The following NRXN1 variants were observed in gnomAD, a reference collection of about 807,000 sequenced individuals.
NRXN1 encodes the protein neurexin-1.
A neutral mutation model predicts 150.9 loss-of-function variants in NRXN1; 39 were observed. The observed-to-expected ratio is 0.26, with a 90% CI of 0.20 to 0.34. The LOEUF is 0.34. Among genes scored for constraint, NRXN1 ranks in the 10% least tolerant of loss-of-function variants. The pLI, the probability that NRXN1 is intolerant of heterozygous loss-of-function variation, is 1.00. For missense variants in NRXN1, 1,815 were observed against 1,949.9 expected (o/e 0.93, Z 1.30); for synonymous variants, 924 against 757.0 (o/e 1.22, Z -3.62).
At chr2:50,289,286 C>G (rs1270764796) in intron 17 of NRXN1, among the ~76,000 whole-genome samples, 1 of 152,082 alleles carries the variant, frequency 6.6e-6, no homozygotes, top group Non-Finnish European at 1.5e-5. Context: ...TTACTATTGA[C>G]TAAAAGAGGT....
intron 5 of NRXN1, among the ~76,000 whole-genome samples, chr2:50,835,805 T>C (rs1672024372): frequency 6.6e-6 from 1 of 152,156 alleles, no homozygotes; most frequent in South Asian, 2.1e-4. Context: ...CTAGCCAGAA[T>C]CTGATGAGAC....
chr2:50,479,902 T>C (rs1398587897), intron 15 of NRXN1, among the ~76,000 whole-genome samples: 2 of 149,496 alleles, frequency 1.3e-5, no homozygotes, highest in African/African-American at 2.5e-5. Flanking sequence ...GCCTCCAGAG[T>C]AGCTGGGATT....
At chr2:50,782,150 G>A (rs894449234) in intron 5 of NRXN1, among the ~76,000 whole-genome samples, 5 of 151,620 alleles carry the variant, frequency 3.3e-5, no homozygotes, top group African/African-American at 9.7e-5. Context: ...ATGGGTTAAG[G>A]TTTCACTCAA....
chr2:50,621,999 T>C (rs926110811), intron 6 of NRXN1, among the ~76,000 whole-genome samples: 10 of 152,112 alleles, frequency 6.6e-5, no homozygotes, highest in African/African-American at 2.4e-4. Flanking sequence ...CACCCTTCCT[T>C]CTGTGCTTCT....
intron 8 of NRXN1, among the ~76,000 whole-genome samples, chr2:50,580,621 G>A (rs938957188): frequency 2.0e-5 from 3 of 152,186 alleles, no homozygotes; most frequent in Non-Finnish European, 2.9e-5. Flanking sequence ...TCAAGTGAAG[G>A]AAGGTTGGAA....
chr2:50,350,400 A>C (rs1384495226), intron 17 of NRXN1, among the ~76,000 whole-genome samples: 2 of 152,182 alleles, frequency 1.3e-5, no homozygotes, highest in African/African-American at 4.8e-5. Flanking sequence ...CGTGGTGCTA[A>C]AAAGACCTAA....
intron 17 of NRXN1, among the ~76,000 whole-genome samples, chr2:50,253,515 T>C (rs2067372848): frequency 6.6e-6 from 1 of 152,176 alleles, no homozygotes; most frequent in Admixed American, 6.6e-5. Context: ...TTCTTCCAGC[T>C]TTTTCCCATT....
chr2:50,873,016 A>G (rs985390335), intron 5 of NRXN1, among the ~76,000 whole-genome samples: 1 of 151,650 alleles, frequency 6.6e-6, no homozygotes, highest in African/African-American at 2.4e-5. Flanking sequence ...AAGAAAATAT[A>G]ATTTCCCACT....
At chr2:50,683,223 G>A (rs1690673925) in intron 5 of NRXN1, among the ~76,000 whole-genome samples, 3 of 151,880 alleles carry the variant, frequency 2.0e-5, no homozygotes, top group South Asian at 4.2e-4. Context: ...TTGGCATGAC[G>A]AACCACAGAG....
intron 15 of NRXN1, among the ~76,000 whole-genome samples, chr2:50,473,158 G>C (rs2089681048): frequency 6.6e-6 from 1 of 151,762 alleles, no homozygotes; most frequent in Admixed American, 6.6e-5. Flanking sequence ...TACATAAGTG[G>C]ATATTGCATC....
At chr2:50,442,735 A>T (rs1467795883) in intron 17 of NRXN1, among the ~76,000 whole-genome samples, 1 of 152,126 alleles carries the variant, frequency 6.6e-6, no homozygotes, top group Non-Finnish European at 1.5e-5. Flanking sequence ...AGGGATATTA[A>T]GTGAGGAGAC....
intron 17 of NRXN1, among the ~76,000 whole-genome samples, chr2:50,313,595 C>G (rs2075353081): frequency 6.6e-6 from 1 of 152,038 alleles, no homozygotes; most frequent in Non-Finnish European, 1.5e-5. Context: ...GCAGGTATAA[C>G]AGGAACCGAA....
chr2:50,121,657 C>T (rs1703872611), intron 18 of NRXN1, among the ~76,000 whole-genome samples: 1 of 152,096 alleles, frequency 6.6e-6, no homozygotes, highest in South Asian at 2.1e-4. Flanking sequence ...AGTCTTTCAA[C>T]CAGGAGAACA....
At chr2:50,655,671 G>A (rs867248165) in intron 5 of NRXN1, among the ~76,000 whole-genome samples, 1 of 151,164 alleles carries the variant, frequency 6.6e-6, no homozygotes, top group African/African-American at 2.5e-5. Context: ...TTCTTTTGGG[G>A]GGGGAGGGAA....
intron 8 of NRXN1, among the ~76,000 whole-genome samples, chr2:50,559,267 G>C (rs1668704702): frequency 6.6e-6 from 1 of 152,144 alleles, no homozygotes; most frequent in Admixed American, 6.5e-5. Context: ...CCAGTAAGTA[G>C]CAGATAAATT....
At chr2:50,330,824 C>T (rs936666623) in intron 17 of NRXN1, among the ~76,000 whole-genome samples, 2 of 151,948 alleles carry the variant, frequency 1.3e-5, no homozygotes, top group African/African-American at 2.4e-5. Flanking sequence ...TGCGTGTGGG[C>T]GACTCATTAA....
intron 2 of NRXN1, among the ~76,000 whole-genome samples, chr2:50,942,776 C>T (rs1689671964): frequency 6.6e-6 from 1 of 152,134 alleles, no homozygotes; most frequent in Non-Finnish European, 1.5e-5. Flanking sequence ...CTTGCCTTGT[C>T]TCAGATGAGA....
At chr2:50,463,748 C>T (rs1395656674) in intron 17 of NRXN1, among the ~76,000 whole-genome samples, 1 of 151,626 alleles carries the variant, frequency 6.6e-6, no homozygotes, top group Non-Finnish European at 1.5e-5. Flanking sequence ...ACACAGTCTG[C>T]CACAACCAAA....
chr2:50,008,890 T>C (rs902057033), intron 21 of NRXN1, among the ~76,000 whole-genome samples: 32 of 152,100 alleles, frequency 2.1e-4, no homozygotes, highest in African/African-American at 7.7e-4. Flanking sequence ...GGGGTGTATG[T>C]TTGGTTGTGA....
Sources: gnomAD v4.1 joint callset for allele counts (sites outside exome capture counted in the v4.1 genomes callset) on GRCh38, gnomAD v4.1.1 for gene constraint, MANE v1.5 for transcripts, NCBI Gene and HGNC (gene_info 2026-07-23, HGNC 2026-07-21) for gene names.